The following CDKAL1 variants were observed in gnomAD, a reference collection of about 807,000 sequenced individuals.
The protein encoded by CDKAL1 is CDKAL1 threonylcarbamoyladenosine tRNA methylthiotransferase.
In CDKAL1, 32 loss-of-function variants were observed where a neutral mutation model predicts 68.2. The ratio of observed to expected loss-of-function variants is 0.47; its 90% CI spans 0.35 to 0.63. The LOEUF (loss-of-function observed/expected upper bound fraction) is 0.63. CDKAL1 is among the 30% of genes least tolerant of loss of function. The pLI is 0.00. For missense variants in CDKAL1, 606 were observed against 696.7 expected, an observed-to-expected ratio of 0.87 and a Z score of 1.47; for synonymous variants, 234 against 244.3, an observed-to-expected ratio of 0.96 and a Z score of 0.39.
At chr6:20,692,962 T>C (rs1414664408) in intron 5 of CDKAL1, among the ~76,000 whole-genome samples, 1 of 148,732 alleles carries the variant, frequency 6.7e-6, no homozygotes, top group Admixed American at 6.7e-5. Context: ...CAATCTCTAC[T>C]AAAAAAAAAT....
rs1313188763 is a variant in CDKAL1, at chr6:20,739,499, TC to T, written c.372-19del. 3 of 1,518,026 alleles carry T rather than the reference TC, an allele frequency of 2.0e-6. No individual in the cohort carries two copies. Among genetic ancestry groups the T allele is most frequent in the Non-Finnish European group, 1.8e-6 (2 of 1,096,872 alleles). The allele number at this position is 1,518,026 out of a possible 1,614,324, so 94.0% of individuals were successfully genotyped here. Reference sequence around the variant, plus strand: ...CCCATGAGCAAAGGAATTCACATTGTCTTCTCTTCAATCTTTTAGAAAAGCT... The same window carrying T: ...CCCATGAGCAAAGGAATTCACATTGTTTCTCTTCAATCTTTTAGAAAAGCT... On this transcript the variant is annotated intron_variant, in intron 5 of 15. Coordinates refer to ENST00000274695, the MANE Select transcript of CDKAL1 (RefSeq NM_017774.3).
intron 5 of CDKAL1, among the ~76,000 whole-genome samples, chr6:20,672,182 T>TTC (rs754522052): frequency 1.0e-4 from 15 of 148,226 alleles, no homozygotes; most frequent in African/African-American, 3.7e-4. Flanking sequence ...CTCTTTCTCT[T>TTC]TCTCTCTCTC....
At chr6:21,185,134 A>T (rs1011948944) in intron 13 of CDKAL1, among the ~76,000 whole-genome samples, 1 of 151,964 alleles carries the variant, frequency 6.6e-6, no homozygotes, top group South Asian at 2.1e-4. Flanking sequence ...TACATCTGTG[A>T]TAAACAGCTT....
intron 13 of CDKAL1, among the ~76,000 whole-genome samples, chr6:21,175,596 G>T (rs1213821630): frequency 1.3e-5 from 2 of 152,082 alleles, no homozygotes; most frequent in African/African-American, 4.8e-5. Flanking sequence ...AAGGCTACAT[G>T]GTTATGTGTG....
chr6:21,154,369 A>C (rs946539940), intron 13 of CDKAL1, among the ~76,000 whole-genome samples: 1 of 152,210 alleles, frequency 6.6e-6, no homozygotes, highest in Non-Finnish European at 1.5e-5. Context: ...TCTCCCTTAA[A>C]TGGAAAATAT....
At chr6:20,810,868 C>T (rs1227919304) in intron 8 of CDKAL1, among the ~76,000 whole-genome samples, 1 of 152,052 alleles carries the variant, frequency 6.6e-6, no homozygotes, top group African/African-American at 2.4e-5. Context: ...CCCACCCTAC[C>T]CCCAGTATTT....
chr6:20,891,790 C>T (rs1476316776), intron 9 of CDKAL1, among the ~76,000 whole-genome samples: 1 of 152,158 alleles, frequency 6.6e-6, no homozygotes, highest in Non-Finnish European at 1.5e-5. Context: ...GCCTTGGCCT[C>T]CCAAAATGCT....
At chr6:21,027,722 G>A (rs2150871834) in intron 11 of CDKAL1, among the ~76,000 whole-genome samples, 1 of 152,282 alleles carries the variant, frequency 6.6e-6, no homozygotes, top group Admixed American at 6.5e-5. Flanking sequence ...GGACTTCCCA[G>A]TCACCAGAAC....
intron 13 of CDKAL1, among the ~76,000 whole-genome samples, chr6:21,116,080 C>T (rs1306626222): frequency 6.6e-6 from 1 of 152,170 alleles, no homozygotes; most frequent in East Asian, 1.9e-4. Flanking sequence ...TATACCTATA[C>T]ATTTTGGCCT....
At chr6:21,135,234 TA>T (rs894300161) in intron 13 of CDKAL1, among the ~76,000 whole-genome samples, 3 of 151,472 alleles carry the variant, frequency 2.0e-5, no homozygotes, top group East Asian at 1.9e-4. Flanking sequence ...ATTTTTGTCT[TA>T]AAAAAAAAGT....
At chr6:20,889,912 T>G (rs1761298439) in intron 9 of CDKAL1, among the ~76,000 whole-genome samples, 1 of 152,170 alleles carries the variant, frequency 6.6e-6, no homozygotes, top group Non-Finnish European at 1.5e-5. Flanking sequence ...CATTGGCAGC[T>G]TGATGGGTAA....
At chr6:20,588,476 C>T (rs1765465411) in intron 4 of CDKAL1, among the ~76,000 whole-genome samples, 1 of 152,170 alleles carries the variant, frequency 6.6e-6, no homozygotes, top group Non-Finnish European at 1.5e-5. Context: ...GTCCATGGAA[C>T]AGCTTTAAAA....
At chr6:20,586,788 G>A (rs1765373286) in intron 4 of CDKAL1, among the ~76,000 whole-genome samples, 1 of 150,856 alleles carries the variant, frequency 6.6e-6, no homozygotes, top group Non-Finnish European at 1.5e-5. Flanking sequence ...ATATCCACAT[G>A]AGTGGAAGCC....
intron 5 of CDKAL1, among the ~76,000 whole-genome samples, chr6:20,673,305 C>T (rs1030851760): frequency 1.3e-5 from 2 of 152,166 alleles, no homozygotes; most frequent in Non-Finnish European, 2.9e-5. Context: ...TGCCATTGCT[C>T]AAGTGCCTGA....
At chr6:20,884,216 A>C (rs1419113554) in intron 9 of CDKAL1, among the ~76,000 whole-genome samples, 5 of 152,212 alleles carry the variant, frequency 3.3e-5, no homozygotes, top group African/African-American at 1.2e-4. Flanking sequence ...GCAAAAACAG[A>C]GTGATCTCAA....
chr6:20,778,500 A>G (rs1392455024), intron 7 of CDKAL1, among the ~76,000 whole-genome samples: 2 of 152,222 alleles, frequency 1.3e-5, no homozygotes, highest in African/African-American at 2.4e-5. Flanking sequence ...GTTGGGACCA[A>G]TGGGTGTATG....
chr6:20,751,181 CAG>C (rs560319701), intron 6 of CDKAL1, among the ~76,000 whole-genome samples: 101 of 152,184 alleles, frequency 6.6e-4, no homozygotes, highest in African/African-American at 2.3e-3. Context: ...CATACTAAAA[CAG>C]AACCTTCGAC....
chr6:21,134,648 T>C (rs1775490242), intron 13 of CDKAL1, among the ~76,000 whole-genome samples: 2 of 152,118 alleles, frequency 1.3e-5, no homozygotes, highest in African/African-American at 4.8e-5. Context: ...CAAATGATCA[T>C]AGTTTTTGTT....
chr6:21,154,801 A>T (rs1776565376), intron 13 of CDKAL1, among the ~76,000 whole-genome samples: 1 of 152,178 alleles, frequency 6.6e-6, no homozygotes. Context: ...CATCCTGGCC[A>T]ACATGATGAA....
Sources: gnomAD v4.1 joint callset for allele counts (sites outside exome capture counted in the v4.1 genomes callset) on GRCh38, gnomAD v4.1.1 for gene constraint, MANE v1.5 for transcripts, NCBI Gene and HGNC (gene_info 2026-07-23, HGNC 2026-07-21) for gene names.